The following ADK variants were observed in gnomAD, a reference collection of about 807,000 sequenced individuals.
ADK encodes N6,N6-dimethyladenosine kinase.
In ADK, 24 loss-of-function variants were observed where a neutral mutation model predicts 44.7. The ratio of observed to expected loss-of-function variants is 0.54; its 90% CI spans 0.39 to 0.76. The LOEUF is 0.76. ADK is among the 30% of genes least tolerant of loss of function. The probability of loss-of-function intolerance (pLI) is 0.00; values close to 1 mark genes in which losing one functional copy is unlikely to be tolerated. For synonymous variants in ADK, 128 were observed against 142.6 expected (o/e 0.90, Z 0.73); for missense variants, 321 against 425.1 (o/e 0.76, Z 2.15).
intron 3 of ADK, among the ~76,000 whole-genome samples, chr10:74,253,365 T>C (rs1845717945): frequency 6.6e-6 from 1 of 152,174 alleles, no homozygotes; most frequent in South Asian, 2.1e-4. Context: ...ATTGGGTCAT[T>C]GCCATGGAAA....
chr10:74,423,467 T>C, intron 6 of ADK: 1 of 184,752 alleles, frequency 5.4e-6, no homozygotes, highest in Non-Finnish European at 1.1e-5. Context: ...GGCTGGGTGG[T>C]TCTTCTGGAG....
chr10:74,481,151 C>T (rs1429751931), intron 6 of ADK, among the ~76,000 whole-genome samples: 3 of 152,022 alleles, frequency 2.0e-5, no homozygotes, highest in East Asian at 3.9e-4. Context: ...TTACTTTGTC[C>T]TAGTAATGTT....
intron 9 of ADK, among the ~76,000 whole-genome samples, chr10:74,648,551 G>C (rs938694167): frequency 6.6e-6 from 1 of 151,238 alleles, no homozygotes; most frequent in Non-Finnish European, 1.5e-5. Context: ...GGTGGCACAC[G>C]CCTGTAGTCC....
At chr10:74,290,178 T>C (rs1480555434) in intron 3 of ADK, among the ~76,000 whole-genome samples, 1 of 152,040 alleles carries the variant, frequency 6.6e-6, no homozygotes, top group African/African-American at 2.4e-5. Context: ...GTCAGTTTTT[T>C]TCCTTCGGTT....
intron 1 of ADK, among the ~76,000 whole-genome samples, chr10:74,165,848 A>T (rs529727924): frequency 1.3e-5 from 2 of 152,328 alleles, no homozygotes; most frequent in Admixed American, 1.3e-4. Flanking sequence ...ATGTAGTTTT[A>T]TCCCCCCCAA....
chr10:74,692,011 G>C (rs1426915724), intron 10 of ADK, among the ~76,000 whole-genome samples: 1 of 152,100 alleles, frequency 6.6e-6, no homozygotes, highest in South Asian at 2.1e-4. Context: ...TAGCGATCAG[G>C]CTCCTTCGTT....
At chr10:74,311,431 A>G (rs7073139) in intron 3 of ADK, among the ~76,000 whole-genome samples, 19,525 of 152,228 alleles carry the variant, frequency 0.13, 1,308 homozygotes, top group Middle Eastern at 0.17. Flanking sequence ...TCTCAGGCCA[A>G]AATTCAGAAC....
chr10:74,380,561 A>T (rs559489815), intron 4 of ADK, among the ~76,000 whole-genome samples: 4 of 152,220 alleles, frequency 2.6e-5, no homozygotes, highest in African/African-American at 9.6e-5. Flanking sequence ...GATTGAGACC[A>T]TCCTGGTTAA....
chr10:74,490,426 G>A (rs1377658439), intron 6 of ADK, among the ~76,000 whole-genome samples: 1 of 152,080 alleles, frequency 6.6e-6, no homozygotes, highest in Non-Finnish European at 1.5e-5. Context: ...TAGAAGAAAA[G>A]TGTAGTTACA....
At chr10:74,613,959 A>C (rs1053866231) in intron 9 of ADK, among the ~76,000 whole-genome samples, 6 of 152,270 alleles carry the variant, frequency 3.9e-5, no homozygotes, top group African/African-American at 1.2e-4. Flanking sequence ...GCATTCATAG[A>C]AAAAAGTTCT....
intron 1 of ADK, among the ~76,000 whole-genome samples, chr10:74,163,611 G>A (rs1300754056): frequency 6.6e-6 from 1 of 152,158 alleles, no homozygotes; most frequent in East Asian, 1.9e-4. Flanking sequence ...ACTCATCTAG[G>A]AGGGGTCACT....
intron 9 of ADK, among the ~76,000 whole-genome samples, chr10:74,650,470 G>A (rs570530284): frequency 4.6e-5 from 7 of 152,200 alleles, no homozygotes; most frequent in African/African-American, 1.7e-4. Context: ...AGCTCACATA[G>A]AACATTTACT....
At chr10:74,519,095 ATATT>A (rs1319264553) in intron 6 of ADK, among the ~76,000 whole-genome samples, 2 of 151,960 alleles carry the variant, frequency 1.3e-5, no homozygotes, top group Admixed American at 6.5e-5. Context: ...TATATCTAAA[ATATT>A]TATTGTTTCA....
intron 4 of ADK, among the ~76,000 whole-genome samples, chr10:74,365,246 G>T (rs1461898555): frequency 2.0e-5 from 3 of 151,978 alleles, no homozygotes; most frequent in African/African-American, 7.3e-5. Flanking sequence ...CACCCCAAAG[G>T]GAAACTCCAT....
At chr10:74,210,202 G>A (rs1047419591) in intron 2 of ADK, among the ~76,000 whole-genome samples, 2 of 151,924 alleles carry the variant, frequency 1.3e-5, no homozygotes, top group Non-Finnish European at 2.9e-5. Context: ...GGTGGCACAC[G>A]CCTGCAGTCC....
Position 74,313,478 on chromosome 10 carries a change from A to G in ADK, c.195-1189A>G, listed in dbSNP as rs530821872. ...AAATTTCCTCCCTTCTCAGCATAGA[A>G]TACATTACTCCATTATATTTTTAGC... On this transcript the variant is annotated intron_variant, in intron 3 of 10. Coordinates refer to ENST00000539909, the MANE Select transcript of ADK (RefSeq NM_006721.4). Among the ~76,000 whole-genome samples, 4 of 152,256 alleles carry G rather than the reference A, an allele frequency of 2.6e-5. No homozygotes were observed. The South Asian group carries it at 8.3e-4, about 32-fold the overall frequency.
At chr10:74,331,355 T>G (rs980352346) in intron 4 of ADK, among the ~76,000 whole-genome samples, 1 of 152,204 alleles carries the variant, frequency 6.6e-6, no homozygotes, top group African/African-American at 2.4e-5. Context: ...TTAATAGAAA[T>G]AATGAAGATT....
intron 4 of ADK, among the ~76,000 whole-genome samples, chr10:74,367,657 G>A (rs942528182): frequency 6.6e-6 from 1 of 152,146 alleles, no homozygotes; most frequent in Non-Finnish European, 1.5e-5. Flanking sequence ...GTTACCTTAT[G>A]TGTTCATTCC....
intron 4 of ADK, among the ~76,000 whole-genome samples, chr10:74,349,889 A>G (rs983414778): frequency 3.3e-5 from 5 of 152,216 alleles, no homozygotes; most frequent in African/African-American, 7.2e-5. Flanking sequence ...TGCACCCACT[A>G]CAGGAGCACC....
Sources: gnomAD v4.1 joint callset for allele counts (sites outside exome capture counted in the v4.1 genomes callset) on GRCh38, gnomAD v4.1.1 for gene constraint, MANE v1.5 for transcripts, NCBI Gene and HGNC (gene_info 2026-07-23, HGNC 2026-07-21) for gene names.